The following PARL variants were observed in gnomAD, a reference collection of about 807,000 sequenced individuals.
The protein encoded by PARL is presenilin associated rhomboid like.
In PARL, 44 loss-of-function variants were observed where a neutral mutation model predicts 51.6. That is an observed-to-expected ratio of 0.85 (90% confidence interval 0.67 to 1.10). The LOEUF (loss-of-function observed/expected upper bound fraction) is 1.10. Among genes scored for constraint, PARL ranks in the 50% least tolerant of loss-of-function variants. The pLI is 0.00. For missense variants in PARL, 441 were observed against 469.5 expected (o/e 0.94, Z 0.56); for synonymous variants, 172 against 164.0 (o/e 1.05, Z -0.37).
At chr3:183,843,035 C>A (rs1260585929) in intron 5 of PARL, 1 of 169,668 alleles carries the variant, frequency 5.9e-6, no homozygotes, top group African/African-American at 2.4e-5. Context: ...CAGGTACATA[C>A]CCCATGCCCA....
downstream of PARL, among the ~76,000 whole-genome samples, chr3:183,827,427 G>A (rs1276136780): frequency 6.6e-6 from 1 of 151,638 alleles, no homozygotes; most frequent in African/African-American, 2.4e-5. Flanking sequence ...GGACGAGAGA[G>A]AGAGAGAGAG....
At chr3:183,835,795 A>G (rs1285019832) in intron 7 of PARL, among the ~76,000 whole-genome samples, 1 of 152,154 alleles carries the variant, frequency 6.6e-6, no homozygotes, top group Admixed American at 6.5e-5. Context: ...AGATTGAGCC[A>G]CTGTACTCCA....
chr3:183,836,252 A>G (rs1262149903), intron 7 of PARL, among the ~76,000 whole-genome samples: 3 of 145,490 alleles, frequency 2.1e-5, no homozygotes, highest in African/African-American at 7.6e-5. Flanking sequence ...AAAAAATTCT[A>G]TGAAGTTCTT....
intron 1 of PARL, among the ~76,000 whole-genome samples, chr3:183,882,270 TA>T (rs1734611013): frequency 4.0e-5 from 3 of 75,524 alleles, no homozygotes; most frequent in South Asian, 4.0e-4. Context: ...TATATATATT[TA>T]TATATATATA....
At position 183,831,753 on chromosome 3, in the gene PARL, A is replaced by G. The variant is rs79738924; in HGVS notation, c.1028+1739T>C. ...ATCAGGGCACTTCAACGAAAAAAAA[A>G]TAAATAAAAGATTTTAGATTTCTAA... On this transcript the variant is annotated intron_variant, in intron 9 of 9. Coordinates refer to ENST00000317096, the MANE Select transcript of PARL (RefSeq NM_018622.7). 4.4e-4 allele frequency among the ~76,000 whole-genome samples: 67 copies of G among 152,314 alleles called. 1 individual carries two copies. The highest frequency in any genetic ancestry group is 1.4e-3 in the South Asian group (7 of 4,830).
At chr3:183,846,668 A>T in intron 4 of PARL, 2 of 983,284 alleles carry the variant, frequency 2.0e-6, no homozygotes, top group Non-Finnish European at 2.4e-6. Context: ...AGTGGTCATC[A>T]AACTGCTTTC....
chr3:183,851,036 C>A (rs1391579575), intron 4 of PARL, among the ~76,000 whole-genome samples: 1 of 152,166 alleles, frequency 6.6e-6, no homozygotes, highest in Non-Finnish European at 1.5e-5. Flanking sequence ...GGTTCCAAAA[C>A]AATTCACTAG....
chr3:183,877,486 C>T (rs182423507), intron 1 of PARL, among the ~76,000 whole-genome samples: 1 of 152,302 alleles, frequency 6.6e-6, no homozygotes, highest in East Asian at 1.9e-4. Flanking sequence ...AGAAGTTCTA[C>T]TGTGGATAAA....
chr3:183,837,646 C>T (rs1291066830), intron 7 of PARL, among the ~76,000 whole-genome samples: 1 of 152,222 alleles, frequency 6.6e-6, no homozygotes, highest in South Asian at 2.1e-4. Flanking sequence ...CTCCTACACC[C>T]AGCAGTAACG....
At chr3:183,832,571 G>A (rs921205014) in intron 9 of PARL, among the ~76,000 whole-genome samples, 2 of 152,014 alleles carry the variant, frequency 1.3e-5, no homozygotes, top group East Asian at 3.9e-4. Flanking sequence ...CCATTGTCGC[G>A]GAACAAAATA....
intron 5 of PARL, among the ~76,000 whole-genome samples, chr3:183,843,982 T>C (rs185379595): frequency 6.6e-6 from 1 of 152,232 alleles, no homozygotes; most frequent in East Asian, 1.9e-4. Flanking sequence ...GAGGTTGTAG[T>C]GAGCTAAGAC....
At chr3:183,860,056 GAA>G (rs543497141) in intron 4 of PARL, among the ~76,000 whole-genome samples, 1 of 129,332 alleles carries the variant, frequency 7.7e-6, no homozygotes, top group Admixed American at 7.8e-5. Context: ...AATATAAAAC[GAA>G]AAAAAAAAAA....
At chr3:183,845,440 T>C (rs1729834624) in intron 4 of PARL, among the ~76,000 whole-genome samples, 1 of 152,244 alleles carries the variant, frequency 6.6e-6, no homozygotes, top group Non-Finnish European at 1.5e-5. Flanking sequence ...ACTGGTAGCA[T>C]TTTTTCTTTC....
intron 4 of PARL, chr3:183,861,134 A>G (rs1437375425): frequency 2.8e-6 from 1 of 357,282 alleles, no homozygotes; most frequent in African/African-American, 2.2e-5. Flanking sequence ...TTCATAAAAG[A>G]AGCAAGCAAA....
chr3:183,833,942 A>G, intron 7 of PARL, 117 bp from the exon 8 acceptor site: 1 of 742,384 alleles, frequency 1.3e-6, no homozygotes, highest in Non-Finnish European at 2.5e-6. Flanking sequence ...TTTCTAGGTG[A>G]GCACAAAGCT....
intron 4 of PARL, among the ~76,000 whole-genome samples, chr3:183,858,311 C>G (rs1028355768): frequency 6.6e-6 from 1 of 151,802 alleles, no homozygotes; most frequent in Non-Finnish European, 1.5e-5. Flanking sequence ...TGAAAAGGTA[C>G]AAGGAGAGAG....
intron 4 of PARL, among the ~76,000 whole-genome samples, chr3:183,846,255 A>T (rs1392856358): frequency 6.6e-6 from 1 of 152,154 alleles, no homozygotes; most frequent in Non-Finnish European, 1.5e-5. Context: ...GTACTTTGGG[A>T]GGCTGAGGCG....
At chr3:183,828,605 G>A (rs547932178), downstream of PARL, among the ~76,000 whole-genome samples, 10 of 152,280 alleles carry the variant, frequency 6.6e-5, no homozygotes, top group South Asian at 1.0e-3. Flanking sequence ...TGTGCTGGGC[G>A]CGTGCTGCCA....
At chr3:183,884,503 G>A (rs1009207299) in intron 1 of PARL, among the ~76,000 whole-genome samples, 1 of 152,190 alleles carries the variant, frequency 6.6e-6, no homozygotes, top group African/African-American at 2.4e-5. Context: ...CCTTCCCAAT[G>A]GGAAAGGAGA....
Sources: allele counts gnomAD v4.1 joint callset (sites outside exome capture counted in the v4.1 genomes callset), GRCh38; gene constraint gnomAD v4.1.1; transcripts MANE v1.5; gene names NCBI Gene and HGNC (gene_info 2026-07-23, HGNC 2026-07-21).